GALNTL6: variants seen among roughly 807,000 people sequenced by gnomAD.
GALNTL6 encodes the protein polypeptide N-acetylgalactosaminyltransferase like 6.
GALNTL6 carries 46 observed loss-of-function variants against 73.7 expected under a neutral mutation model. That is an observed-to-expected ratio of 0.62 (90% CI 0.49 to 0.80). The LOEUF (loss-of-function observed/expected upper bound fraction) is 0.80, where lower values mean the gene tolerates loss of function less well. Ranked by LOEUF, GALNTL6 falls within the 30% of genes least tolerant of loss-of-function variation. The pLI, the probability that GALNTL6 is intolerant of heterozygous loss-of-function variation, is 0.00. For missense variants in GALNTL6, 604 were observed against 755.0 expected (o/e 0.80, Z 2.34); for synonymous variants, 259 against 263.7 (o/e 0.98, Z 0.17).
At chr4:173,032,589 A>G (rs1028739005) in intron 12 of GALNTL6, among the ~76,000 whole-genome samples, 1 of 152,108 alleles carries the variant, frequency 6.6e-6, no homozygotes, top group African/African-American at 2.4e-5. Flanking sequence ...TCAGGCTGAG[A>G]GGGAACGATT....
chr4:172,160,139 G>GT (rs1223001873), intron 2 of GALNTL6, among the ~76,000 whole-genome samples: 15 of 151,682 alleles, frequency 9.9e-5, no homozygotes. Context: ...TCAATAGGCA[G>GT]TTGTGTGTGT....
rs183411826 is a variant in GALNTL6, at chr4:171,962,606, G to A, written c.138+147888G>A. The stretch of plus-strand genomic sequence containing the variant: ...GGAGGAACCCACAGTTCTGGGAATT[G>A]CCCACTCCTTTCCTGGAAAACTCAT... On this transcript the variant is annotated intron_variant, in intron 2 of 12. Transcript: ENST00000506823. 4.0e-3 allele frequency among the ~76,000 whole-genome samples: 603 copies of A among 152,128 alleles called. 1 individual carries two copies. The highest frequency in any genetic ancestry group is 6.4e-3 in the Non-Finnish European group (438 of 67,994).
intron 2 of GALNTL6, among the ~76,000 whole-genome samples, chr4:172,134,265 G>T (rs1009937864): frequency 1.3e-5 from 2 of 151,802 alleles, no homozygotes; most frequent in African/African-American, 4.8e-5. Context: ...GGCGCCTGTA[G>T]TCCCAGCTAC....
intron 10 of GALNTL6, among the ~76,000 whole-genome samples, chr4:173,007,839 T>C (rs1286422664): frequency 6.6e-6 from 1 of 152,072 alleles, no homozygotes; most frequent in East Asian, 1.9e-4. Flanking sequence ...AAAGGACATG[T>C]CTCTGCCCAG....
chr4:172,060,239 A>G (rs1049990721), intron 2 of GALNTL6, among the ~76,000 whole-genome samples: 4 of 152,204 alleles, frequency 2.6e-5, no homozygotes, highest in African/African-American at 9.6e-5. Flanking sequence ...AAGCAATTCT[A>G]TAAGGGCAAA....
chr4:171,849,733 C>G (rs1044972897), intron 2 of GALNTL6, among the ~76,000 whole-genome samples: 1 of 151,930 alleles, frequency 6.6e-6, no homozygotes, highest in East Asian at 1.9e-4. Context: ...TATTTTTTCT[C>G]GTAAAGGAAG....
intron 10 of GALNTL6, among the ~76,000 whole-genome samples, chr4:172,994,380 A>AT (rs1303560947): frequency 6.6e-6 from 1 of 152,252 alleles, no homozygotes; most frequent in East Asian, 1.9e-4. Context: ...CATTAGTTTG[A>AT]TTTTAGAGCA....
Position 172,813,656 on chromosome 4 carries a change from G to A in GALNTL6, c.856G>A (p.Glu286Lys). 6.2e-7 allele frequency: 1 copy of A among 1,613,398 alleles called. No individual in the cohort carries two copies. The highest frequency in any genetic ancestry group is 8.5e-7 in the Non-Finnish European group (1 of 1,179,556). Residue 286 changes from glutamate (E) to lysine (K), a missense_variant, in exon 7 of 13, where the codon GAA (glutamate) becomes AAA (lysine). Glu to Lys is a moderately conservative substitution (Grantham distance 56, BLOSUM62 1). This residue lies in a region of GALNTL6 where 179 missense variants were observed against 230.8 expected (regional missense o/e 0.78). Coordinates refer to ENST00000506823, the MANE Select transcript of GALNTL6 (RefSeq NM_001034845.3). ...GDAMRGAFDW[E>K]MYYKRIPIPP... ...TGCCATGCGAGGAGCCTTCGACTGGGAAATGTACTACAAAAGAATCCCCAT... is the reference window on the plus strand; with the variant it reads ...TGCCATGCGAGGAGCCTTCGACTGGAAAATGTACTACAAAAGAATCCCCAT...
At chr4:171,869,613 T>C (rs943634848) in intron 2 of GALNTL6, among the ~76,000 whole-genome samples, 3 of 152,212 alleles carry the variant, frequency 2.0e-5, no homozygotes, top group African/African-American at 7.2e-5. Flanking sequence ...TAGAAGATTA[T>C]TGAGTCCATT....
At chr4:172,409,257 A>G (rs1392504030) in intron 5 of GALNTL6, among the ~76,000 whole-genome samples, 1 of 152,064 alleles carries the variant, frequency 6.6e-6, no homozygotes, top group Admixed American at 6.6e-5. Context: ...CCAATTAACC[A>G]GCAGTTATTA....
intron 2 of GALNTL6, among the ~76,000 whole-genome samples, chr4:172,132,853 C>CT (rs1257646764): frequency 6.6e-6 from 1 of 152,070 alleles, no homozygotes; most frequent in Admixed American, 6.6e-5. Flanking sequence ...CTTTAAGTAT[C>CT]TTTTTTCCCC....
intron 2 of GALNTL6, among the ~76,000 whole-genome samples, chr4:171,922,082 G>C (rs1007609342): frequency 6.6e-6 from 1 of 151,892 alleles, no homozygotes; most frequent in Non-Finnish European, 1.5e-5. Flanking sequence ...ATGTGTGTGT[G>C]TGTGTGTGTG....
At chr4:171,843,360 T>C (rs1443852208) in intron 2 of GALNTL6, among the ~76,000 whole-genome samples, 3 of 152,088 alleles carry the variant, frequency 2.0e-5, no homozygotes, top group Non-Finnish European at 4.4e-5. Flanking sequence ...GGACATACCT[T>C]CTTGCAATAC....
In GALNTL6 at chr4:172,014,340, A is replaced by C. The variant is rs114091733; in HGVS notation, c.138+199622A>C. ...TGTACTAATTTTCATTCCCACCAAC[A>C]GTGTACAAGAGTTCCCTTTTCTCTA... On this transcript the variant is annotated intron_variant, in intron 2 of 12. Transcript: ENST00000506823. Among the ~76,000 whole-genome samples, 1,166 of 152,072 alleles carry C rather than the reference A, an allele frequency of 7.7e-3. 16 individuals carry two copies. The highest frequency in any genetic ancestry group is 0.025 in the African/African-American group (1,023 of 41,498).
chr4:172,058,786 C>T (rs751680140), intron 2 of GALNTL6, among the ~76,000 whole-genome samples: 5 of 152,152 alleles, frequency 3.3e-5, no homozygotes, highest in African/African-American at 9.7e-5. Flanking sequence ...CCTCTTTCTT[C>T]TCAGATTTCC....
At chr4:172,805,510 C>T (rs749625292) in intron 5 of GALNTL6, among the ~76,000 whole-genome samples, 2 of 152,138 alleles carry the variant, frequency 1.3e-5, no homozygotes, top group African/African-American at 2.4e-5. Flanking sequence ...TCAGGATATA[C>T]GGGTGCTCAG....
At chr4:172,360,485 G>T (rs1742323656) in intron 5 of GALNTL6, among the ~76,000 whole-genome samples, 1 of 152,114 alleles carries the variant, frequency 6.6e-6, no homozygotes, top group African/African-American at 2.4e-5. Context: ...TAAAAGAGAT[G>T]CTGTAAACTC....
intron 2 of GALNTL6, among the ~76,000 whole-genome samples, chr4:171,841,144 C>T (rs1330364636): frequency 6.6e-6 from 1 of 152,144 alleles, no homozygotes; most frequent in Non-Finnish European, 1.5e-5. Context: ...GCTGACTTTC[C>T]TACTGTGTTA....
At chr4:172,322,854 A>G (rs1347157942) in intron 4 of GALNTL6, among the ~76,000 whole-genome samples, 1 of 152,178 alleles carries the variant, frequency 6.6e-6, no homozygotes, top group African/African-American at 2.4e-5. Flanking sequence ...AAGAAAAAAA[A>G]AGAATGAAGA....
Sources: gnomAD v4.1 joint callset for allele counts (sites outside exome capture counted in the v4.1 genomes callset) on GRCh38, gnomAD v4.1.1 for gene constraint, gnomAD v4.1.1 regional missense constraint, MANE v1.5 for transcripts, NCBI Gene and HGNC (gene_info 2026-07-23, HGNC 2026-07-21) for gene names.